Variants in ACTN4 observed in about 807,000 individuals in gnomAD.
ACTN4 encodes alpha-actinin-4.
Under a neutral mutation model 114.2 loss-of-function variants are expected in ACTN4, and 18 were observed. The ratio of observed to expected loss-of-function variants is 0.16; its 90% CI spans 0.11 to 0.23. ACTN4 has a LOEUF of 0.23. Ranked by LOEUF, ACTN4 falls within the 10% of genes least tolerant of loss-of-function variation. ACTN4 has a pLI of 1.00. For synonymous variants in ACTN4, 515 were observed against 506.3 expected (o/e 1.02, Z -0.23); for missense variants, 722 against 1,262.9 (o/e 0.57, Z 6.49).
chr19:38,680,277 A>C (rs1012078700), intron 1 of ACTN4, among the ~76,000 whole-genome samples: 2 of 141,842 alleles, frequency 1.4e-5, no homozygotes, highest in Non-Finnish European at 3.0e-5. Flanking sequence ...CGCCCAGGCT[A>C]GAGTGCAGTG....
chr19:38,701,225 G>A (rs946293677), intron 3 of ACTN4, 104 bp downstream of exon 3: 34 of 1,567,716 alleles, frequency 2.2e-5, no homozygotes, highest in East Asian at 1.4e-4. Context: ...GTGGCAGGGC[G>A]CTTGGGGCAC....
chr19:38,711,879 G>A (rs981159648), intron 8 of ACTN4, among the ~76,000 whole-genome samples: 5 of 152,200 alleles, frequency 3.3e-5, no homozygotes, highest in South Asian at 2.1e-4. Context: ...CAGAGCTTGC[G>A]TGGCAGTGGC....
At chr19:38,708,326 G>A in intron 6 of ACTN4, 131 bp downstream of exon 6, 1 of 1,011,318 alleles carries the variant, frequency 9.9e-7, no homozygotes, top group Non-Finnish European at 1.5e-6. Flanking sequence ...TGGGCAGCCT[G>A]GGAGAGCCTT....
chr19:38,728,172 A>C (rs1969310605), intron 19 of ACTN4, 146 bp downstream of exon 19: 3 of 1,287,864 alleles, frequency 2.3e-6, no homozygotes, highest in Non-Finnish European at 2.2e-6. Flanking sequence ...ATCTCCCTGG[A>C]CCCCTTCCCT....
At chr19:38,697,277 C>T (rs896964035) in intron 1 of ACTN4, among the ~76,000 whole-genome samples, 1 of 152,194 alleles carries the variant, frequency 6.6e-6, no homozygotes, top group African/African-American at 2.4e-5. Context: ...GGTCTCCTGC[C>T]ATCCCATTTT....
rs181167108 is a variant in ACTN4, at chr19:38,678,687, G to A, written c.163-21913G>A. On this transcript the variant is annotated intron_variant, in intron 1 of 20. Transcript: ENST00000252699. ...CCACCCTTTTTCTCTCTGCTGTCTG[G>A]CTTGGGCTTGGGCTTTGTCTCCTGT... 1.8e-4 allele frequency among the ~76,000 whole-genome samples: 27 copies of A among 152,234 alleles called. No homozygotes were observed. The South Asian group carries it at 2.7e-3, about 15-fold the overall frequency.
intron 5 of ACTN4, 93 bp downstream of exon 5, chr19:38,706,224 T>C: frequency 1.5e-6 from 2 of 1,347,114 alleles, no homozygotes; most frequent in Middle Eastern, 3.6e-4. Context: ...TGTCGTGGTC[T>C]GTGAGATGCC....
chr19:38,684,836 G>T (rs7247788), intron 1 of ACTN4, among the ~76,000 whole-genome samples: 1,707 of 151,520 alleles, frequency 0.011, 40 homozygotes, highest in African/African-American at 0.037. Context: ...TGCTAATGTT[G>T]TCTGTCTCAT....
intron 17 of ACTN4, 58 bp from the exon 18 acceptor site, chr19:38,726,899 C>G (rs1969250696): frequency 6.2e-7 from 1 of 1,609,656 alleles, no homozygotes; most frequent in Non-Finnish European, 8.5e-7. Context: ...CACGTGTGAA[C>G]CACGGTGAGG....
chr19:38,707,436 G>T (rs753606581), intron 5 of ACTN4, among the ~76,000 whole-genome samples: 2 of 152,124 alleles, frequency 1.3e-5, no homozygotes, highest in Non-Finnish European at 2.9e-5. Context: ...GATGAAGAAA[G>T]TTCCCTGGGT....
At chr19:38,652,687 G>A (rs965774190) in intron 1 of ACTN4, among the ~76,000 whole-genome samples, 2 of 152,210 alleles carry the variant, frequency 1.3e-5, no homozygotes, top group Non-Finnish European at 2.9e-5. Flanking sequence ...TGCCTTGTGG[G>A]GGGGAAAGTT....
intron 4 of ACTN4, among the ~76,000 whole-genome samples, chr19:38,705,748 G>A (rs1189842303): frequency 6.6e-6 from 1 of 152,242 alleles, no homozygotes; most frequent in East Asian, 1.9e-4. Context: ...ACATGGCACA[G>A]ATTCAGGCCC....
At position 38,724,028 on chromosome 19, in the gene ACTN4, T is replaced by C. The variant is rs879003954; in HGVS notation, c.1643T>C (p.Met548Thr). 1 of 1,613,822 alleles carries C rather than the reference T, an allele frequency of 6.2e-7. No homozygotes were observed. The highest frequency in any genetic ancestry group is 1.1e-5 in the South Asian group (1 of 91,086). Reference sequence around the variant, plus strand: ...TTCAACAACTGGATGGAGAGCGCCATGGAGGACCTCCAGGACATGTTCATC... The same window carrying C: ...TTCAACAACTGGATGGAGAGCGCCACGGAGGACCTCCAGGACATGTTCATC... The part of the protein sequence containing the change: ...APFNNWMESA[M>T]EDLQDMFIVH... Residue 548 changes from methionine to threonine, a missense_variant, in exon 14 of 21, where the codon ATG (methionine) becomes ACG (threonine). Around this residue, in one of 3 missense-constraint regions of ACTN4, gnomAD observed 523 missense variants for 875.9 expected, o/e 0.60. Transcript: ENST00000252699. This position sits in a 1 kb window ranked among gnomAD's most constrained non-coding sequence, Gnocchi z 7.0.
chr19:38,711,254 CTT>C (rs550398177), intron 8 of ACTN4: 24 of 990,220 alleles, frequency 2.4e-5, no homozygotes, highest in African/African-American at 3.5e-5. Context: ...CTCTCTCTCT[CTT>C]TCTCTCTCTC....
chr19:38,723,829 A>G, intron 13 of ACTN4, 107 bp downstream of exon 13: 4 of 1,472,108 alleles, frequency 2.7e-6, no homozygotes, highest in Non-Finnish European at 3.7e-6. Context: ...TCCCACGGAG[A>G]GGATGTTCTC....
intron 1 of ACTN4, among the ~76,000 whole-genome samples, chr19:38,691,550 A>G (rs961265391): frequency 6.6e-6 from 1 of 152,150 alleles, no homozygotes; most frequent in East Asian, 1.9e-4. Context: ...CCAGCTCTAT[A>G]AAGAGCTAGA....
chr19:38,705,633 C>T (rs776119159), intron 4 of ACTN4, among the ~76,000 whole-genome samples: 7 of 152,244 alleles, frequency 4.6e-5, no homozygotes, highest in Non-Finnish European at 1.0e-4. Context: ...CCCTAGGCCT[C>T]TCTACAGCTG....
At chr19:38,653,563 C>T (rs1976630515) in intron 1 of ACTN4, among the ~76,000 whole-genome samples, 1 of 152,182 alleles carries the variant, frequency 6.6e-6, no homozygotes, top group Non-Finnish European at 1.5e-5. Flanking sequence ...ACATGTTTAT[C>T]TCTTCCCTTG....
At chr19:38,690,022 C>T (rs1357328440) in intron 1 of ACTN4, among the ~76,000 whole-genome samples, 1 of 152,120 alleles carries the variant, frequency 6.6e-6, no homozygotes. Context: ...AAAGAGGGCT[C>T]ATTAAAATAC....
Sources: gnomAD v4.1 joint callset for allele counts (sites outside exome capture counted in the v4.1 genomes callset) on GRCh38, gnomAD v4.1.1 for gene constraint, gnomAD v4.1.1 regional missense constraint, Gnocchi (gnomAD v3.1) non-coding constraint, MANE v1.5 for transcripts, NCBI Gene and HGNC (gene_info 2026-07-23, HGNC 2026-07-21) for gene names.